Variants in MBOAT1 observed in about 807,000 individuals in gnomAD.
The protein encoded by MBOAT1 is membrane bound glycerophospholipid O-acyltransferase 1.
MBOAT1 carries 67 observed loss-of-function variants against 64.4 expected under a neutral mutation model. That is an observed-to-expected ratio of 1.04 (90% CI 0.85 to 1.27). The LOEUF (loss-of-function observed/expected upper bound fraction) is 1.27. MBOAT1 is among the 50% of genes most tolerant of loss of function. The probability of loss-of-function intolerance (pLI) is 0.00; values close to 1 mark genes in which losing one functional copy is unlikely to be tolerated. For synonymous variants in MBOAT1, 229 were observed against 218.9 expected (o/e 1.05, Z -0.41); for missense variants, 563 against 604.6 (o/e 0.93, Z 0.72).
intron 1 of MBOAT1, among the ~76,000 whole-genome samples, chr6:20,156,944 A>T (rs1048661673): frequency 6.6e-6 from 1 of 152,130 alleles, no homozygotes; most frequent in Admixed American, 6.6e-5. Context: ...CAACCTACAG[A>T]ATGGGAGAAA....
chr6:20,212,331 G>A lies in MBOAT1; in HGVS notation c.-97C>T, dbSNP rs1695498101. On this transcript the variant is annotated 5_prime_UTR_variant, in exon 1 of 13. Transcript: ENST00000324607. ...GTGCTCTTGGGTGGTTGCCCCGAGA[G>A]GCGCACGGCCGCCTGGTTCGCGGGG... 1 of 1,118,332 alleles carries A rather than the reference G, an allele frequency of 8.9e-7. No homozygotes were observed. 69.3% of individuals were successfully genotyped at this position (1,118,332 alleles called of 1,614,324 possible). A position where few individuals can be genotyped will look rare whatever the true frequency, so the allele number is the denominator to read the frequency against.
chr6:20,178,805 A>G (rs1452214685), intron 1 of MBOAT1, among the ~76,000 whole-genome samples: 1 of 152,196 alleles, frequency 6.6e-6, no homozygotes, highest in Non-Finnish European at 1.5e-5. Context: ...ATTGTCTGGT[A>G]TGAACTGAAC....
intron 4 of MBOAT1, among the ~76,000 whole-genome samples, chr6:20,138,090 G>A (rs1012857774): frequency 2.0e-5 from 3 of 152,086 alleles, no homozygotes; most frequent in African/African-American, 7.2e-5. Flanking sequence ...TTTCAGGTTG[G>A]TATGTACTCT....
chr6:20,172,113 T>C (rs28556634), intron 1 of MBOAT1, among the ~76,000 whole-genome samples: 1 of 151,976 alleles, frequency 6.6e-6, no homozygotes, highest in Non-Finnish European at 1.5e-5. Context: ...GTAAGTATAA[T>C]GGGACTGATA....
At chr6:20,134,053 T>G (rs1760908720) in intron 4 of MBOAT1, among the ~76,000 whole-genome samples, 1 of 152,232 alleles carries the variant, frequency 6.6e-6, no homozygotes, top group African/African-American at 2.4e-5. Flanking sequence ...AAAACTGTCT[T>G]AGAACTGCAC....
intron 1 of MBOAT1, among the ~76,000 whole-genome samples, chr6:20,181,816 G>GTATA (rs1478272919): frequency 3.3e-5 from 5 of 152,192 alleles, no homozygotes; most frequent in African/African-American, 1.2e-4. Flanking sequence ...AGAGGGCAGG[G>GTATA]TATATATGTT....
intron 9 of MBOAT1, among the ~76,000 whole-genome samples, chr6:20,115,874 G>A (rs950929613): frequency 6.6e-6 from 1 of 151,988 alleles, no homozygotes; most frequent in African/African-American, 2.4e-5. Flanking sequence ...GAGATTTTAT[G>A]CATGAAGGCA....
At chr6:20,159,979 G>A (rs1346102026) in intron 1 of MBOAT1, among the ~76,000 whole-genome samples, 1 of 152,118 alleles carries the variant, frequency 6.6e-6, no homozygotes, top group Non-Finnish European at 1.5e-5. Flanking sequence ...GGGCCTTTAT[G>A]CATGAGGGGA....
At chr6:20,106,574 C>A (rs1021256293) in intron 12 of MBOAT1, among the ~76,000 whole-genome samples, 8 of 152,182 alleles carry the variant, frequency 5.3e-5, no homozygotes, top group African/African-American at 1.9e-4. Flanking sequence ...AGGCACATGC[C>A]ACCATGCCCA....
At chr6:20,184,880 A>T (rs1293348694) in intron 1 of MBOAT1, among the ~76,000 whole-genome samples, 1 of 142,866 alleles carries the variant, frequency 7.0e-6, no homozygotes, top group Non-Finnish European at 1.5e-5. Context: ...TTATAACTGC[A>T]GTGTGTGTGT....
chr6:20,166,863 G>A (rs185725927), intron 1 of MBOAT1, among the ~76,000 whole-genome samples: 114 of 151,940 alleles, frequency 7.5e-4, no homozygotes, highest in South Asian at 4.2e-4. Context: ...CACTTAAGCC[G>A]AGCAGATCAA....
chr6:20,144,024 T>C (rs1216517325), intron 4 of MBOAT1, among the ~76,000 whole-genome samples, 196 bp downstream of exon 4: 1 of 152,204 alleles, frequency 6.6e-6, no homozygotes, highest in Non-Finnish European at 1.5e-5. Context: ...ACTTTGTGGT[T>C]CCTGTCTTAC....
intron 8 of MBOAT1, 70 bp downstream of exon 8, chr6:20,124,338 C>T (rs1760586503): frequency 1.3e-6 from 2 of 1,486,540 alleles, no homozygotes; most frequent in Middle Eastern, 1.8e-4. Context: ...TCCAAAACGT[C>T]GTTCTGGCTA....
At chr6:20,172,542 C>A (rs1281313930) in intron 1 of MBOAT1, among the ~76,000 whole-genome samples, 2 of 152,116 alleles carry the variant, frequency 1.3e-5, no homozygotes, top group Non-Finnish European at 2.9e-5. Flanking sequence ...GCTTCCTCAA[C>A]TCTTGCTCTT....
rs193052908 is a variant in MBOAT1, at chr6:20,190,048, G to A, written c.99+22088C>T. ...CTCACTCTGTCACCCAGGCTGCAGTGCAGTGATGCGATCTCGGCTCACTGC... is the reference window on the plus strand; with the variant it reads ...CTCACTCTGTCACCCAGGCTGCAGTACAGTGATGCGATCTCGGCTCACTGC... On this transcript the variant is annotated intron_variant, in intron 1 of 12. Transcript: ENST00000324607. 9.2e-4 allele frequency among the ~76,000 whole-genome samples: 140 copies of A among 151,820 alleles called. 3 individuals carry two copies. In the East Asian group the frequency reaches 0.026, roughly 28 times the overall value.
chr6:20,192,288 T>A (rs182763713), intron 1 of MBOAT1, among the ~76,000 whole-genome samples: 2 of 152,280 alleles, frequency 1.3e-5, no homozygotes, highest in East Asian at 3.9e-4. Flanking sequence ...ACTTATTGCC[T>A]CCTTCTGCCT....
chr6:20,172,010 G>A (rs983509908), intron 1 of MBOAT1, among the ~76,000 whole-genome samples: 18 of 152,196 alleles, frequency 1.2e-4, no homozygotes, highest in Admixed American at 5.2e-4. Context: ...TCTAGCCTGG[G>A]AGGCAGAGTG....
At chr6:20,175,811 G>A (rs1276429095) in intron 1 of MBOAT1, among the ~76,000 whole-genome samples, 10 of 151,404 alleles carry the variant, frequency 6.6e-5, no homozygotes, top group Non-Finnish European at 1.0e-4. Context: ...ACTAAGTTTC[G>A]TAGGCTGGTC....
intron 1 of MBOAT1, among the ~76,000 whole-genome samples, chr6:20,171,062 A>G (rs1762175421): frequency 6.6e-6 from 1 of 152,202 alleles, no homozygotes; most frequent in Admixed American, 6.5e-5. Context: ...TCTGTAGGAA[A>G]TATAGTTTTG....
Sources: allele counts gnomAD v4.1 joint callset (sites outside exome capture counted in the v4.1 genomes callset), GRCh38; gene constraint gnomAD v4.1.1; transcripts MANE v1.5; gene names NCBI Gene and HGNC (gene_info 2026-07-23, HGNC 2026-07-21).